GPHN: variants seen among roughly 807,000 people sequenced by gnomAD.
The protein encoded by GPHN is gephyrin.
A neutral mutation model predicts 95.5 loss-of-function variants in GPHN; 17 were observed. That is an observed-to-expected ratio of 0.18 (90% CI 0.12 to 0.27). The LOEUF (loss-of-function observed/expected upper bound fraction) is 0.27, where lower values mean the gene tolerates loss of function less well. Among genes scored for constraint, GPHN ranks in the 10% least tolerant of loss-of-function variants. GPHN has a pLI of 1.00. For synonymous variants in GPHN, 320 were observed against 322.5 expected, an observed-to-expected ratio of 0.99 and a Z score of 0.08; for missense variants, 660 against 978.1, an observed-to-expected ratio of 0.67 and a Z score of 4.34.
chr14:67,171,568 A>G (rs137868123), intron 21 of GPHN, among the ~76,000 whole-genome samples: 255 of 152,258 alleles, frequency 1.7e-3, no homozygotes, highest in African/African-American at 5.7e-3. Flanking sequence ...TAGTATTAAC[A>G]ACTTATCTCA....
chr14:67,174,008 A>G (rs1798107130), intron 21 of GPHN, among the ~76,000 whole-genome samples: 3 of 152,192 alleles, frequency 2.0e-5, no homozygotes, highest in Non-Finnish European at 4.4e-5. Flanking sequence ...CTGAAGGGGA[A>G]AAAAAGAAAT....
In GPHN at chr14:67,144,286, T is replaced by TATATATATATATATATAC. The variant is rs1421893686; in HGVS notation, c.1836+838_1836+839insTATATATATATATATACA. Among the ~76,000 whole-genome samples, 124 of 78,086 alleles carry TATATATATATATATATAC rather than the reference T, an allele frequency of 1.6e-3. 8 individuals are homozygous for TATATATATATATATATAC. The highest frequency in any genetic ancestry group is 0.011 in the East Asian group (19 of 1,724). 51.2% of individuals were successfully genotyped at this position (78,086 alleles called of 152,430 possible). A position where few individuals can be genotyped will look rare whatever the true frequency, so the allele number is the denominator to read the frequency against. On this transcript the variant is annotated intron_variant, in intron 18 of 22. Coordinates refer to ENST00000478722, the MANE Select transcript of GPHN (RefSeq NM_020806.5). ...ATATATATATATATATATATATATA[T>TATATATATATATATATAC]ACACACACACATACACAAATATTTT...
rs2059818956 is a variant in GPHN at position 66,787,519 on chromosome 14, A to C, written c.201+10998A>C. On this transcript the variant is annotated intron_variant, in intron 3 of 22. Transcript: ENST00000478722. ...TATGGAAAAACACAAAACCTAGAAC[A>C]GCTAAGACAATTTTTAAAAAGAACA... is the stretch of plus-strand genomic sequence containing the variant. 2.0e-5 allele frequency among the ~76,000 whole-genome samples: 3 copies of C among 152,202 alleles called. No individual in the cohort carries two copies. In the South Asian group the frequency reaches 6.2e-4, roughly 31 times the overall value.
At chr14:66,825,211 A>G (rs1236315059) in intron 4 of GPHN, among the ~76,000 whole-genome samples, 1 of 152,154 alleles carries the variant, frequency 6.6e-6, no homozygotes, top group Non-Finnish European at 1.5e-5. Context: ...TAAGGAAGCC[A>G]TAAACCACAG....
chr14:67,027,719 G>A (rs1019815666), intron 10 of GPHN, among the ~76,000 whole-genome samples: 2 of 151,764 alleles, frequency 1.3e-5, no homozygotes, highest in African/African-American at 2.4e-5. Flanking sequence ...GATTTTTTTA[G>A]TATATTTTAA....
chr14:66,860,815 G>A (rs1189257927), intron 4 of GPHN, among the ~76,000 whole-genome samples: 1 of 151,910 alleles, frequency 6.6e-6, no homozygotes, highest in Non-Finnish European at 1.5e-5. Context: ...GTTGTCATCA[G>A]TTTAAAATAA....
the GPHN span, among the ~76,000 whole-genome samples, chr14:67,214,819 A>G: frequency 6.6e-6 from 1 of 151,994 alleles, no homozygotes; most frequent in Non-Finnish European, 1.5e-5. Context: ...TCTTCCATTT[A>G]TTTGTATCCT....
chr14:66,953,993 C>T (rs1349352048), intron 8 of GPHN, among the ~76,000 whole-genome samples: 6 of 147,318 alleles, frequency 4.1e-5, no homozygotes, highest in East Asian at 2.0e-4. Context: ...CAAGACGGTG[C>T]GATTGCACGC....
intron 4 of GPHN, among the ~76,000 whole-genome samples, chr14:66,838,801 A>T (rs191400344): frequency 6.6e-6 from 1 of 152,126 alleles, no homozygotes; most frequent in Non-Finnish European, 1.5e-5. Flanking sequence ...TGCCTTTCAC[A>T]TAAAATGTAA....
intron 1 of GPHN, among the ~76,000 whole-genome samples, chr14:66,635,806 T>C (rs572808411): frequency 9.2e-5 from 14 of 152,248 alleles, no homozygotes; most frequent in Non-Finnish European, 1.9e-4. Flanking sequence ...AGAAAAAATT[T>C]ATGTGAGTTT....
At chr14:67,519,780 T>C in the GPHN span, among the ~76,000 whole-genome samples, 6 of 151,812 alleles carry the variant, frequency 4.0e-5, no homozygotes, top group African/African-American at 1.5e-4. Context: ...TGGAGTGCAG[T>C]GGCATGATCA....
At chr14:67,532,979 G>A in the GPHN span, among the ~76,000 whole-genome samples, 2 of 152,102 alleles carry the variant, frequency 1.3e-5, no homozygotes, top group Non-Finnish European at 2.9e-5. Context: ...GCTCCGGGCC[G>A]GCGCCCGGGA....
the GPHN span, among the ~76,000 whole-genome samples, chr14:67,687,759 C>T: frequency 1.3e-5 from 2 of 151,264 alleles, no homozygotes; most frequent in Non-Finnish European, 2.9e-5. Context: ...GCATGAGCCA[C>T]CACGTCCGGC....
the GPHN span, chr14:67,365,082 T>G: frequency 7.0e-7 from 1 of 1,438,670 alleles, no homozygotes; most frequent in Non-Finnish European, 9.2e-7. Context: ...TTTTTGTAAA[T>G]TGCAAGCTGC....
In GPHN at chr14:66,681,090, TC is replaced by T; in HGVS notation, c.65-13del. On this transcript the variant is annotated splice_polypyrimidine_tract_variant and intron_variant, in intron 1 of 22. Transcript: ENST00000478722. ...GACAAAAATTAATTTTTTTTTCTTT[TC>T]CCCATTTCTATTTAGTGAGTGATAG... 1 of 1,457,676 alleles carries T rather than the reference TC, an allele frequency of 6.9e-7. No individual in the cohort carries two copies. Among genetic ancestry groups the T allele is most frequent in the Non-Finnish European group, 9.6e-7 (1 of 1,042,928 alleles). 90.3% of individuals were successfully genotyped at this position (1,457,676 alleles called of 1,614,324 possible).
chr14:66,718,708 C>T (rs1595676121), intron 2 of GPHN, among the ~76,000 whole-genome samples: 1 of 152,194 alleles, frequency 6.6e-6, no homozygotes, highest in Non-Finnish European at 1.5e-5. Flanking sequence ...AATCCTTTAG[C>T]TAGACACAGA....
At chr14:67,567,205 C>T in the GPHN span, among the ~76,000 whole-genome samples, 1 of 152,148 alleles carries the variant, frequency 6.6e-6, no homozygotes, top group African/African-American at 2.4e-5. Context: ...CTCTCTCTCC[C>T]AGGCAGGACC....
the GPHN span, among the ~76,000 whole-genome samples, chr14:67,411,829 C>G: frequency 6.6e-6 from 1 of 152,252 alleles, no homozygotes; most frequent in African/African-American, 2.4e-5. Context: ...GCTGAGCCAC[C>G]GCTTACCCCG....
At chr14:66,777,003 C>G (rs1208936274) in intron 3 of GPHN, among the ~76,000 whole-genome samples, 1 of 151,412 alleles carries the variant, frequency 6.6e-6, no homozygotes, top group Non-Finnish European at 1.5e-5. Flanking sequence ...CGTCATCTAG[C>G]TTAGGTATAT....
Sources: gnomAD v4.1 joint callset for allele counts (sites outside exome capture counted in the v4.1 genomes callset) on GRCh38, gnomAD v4.1.1 for gene constraint, MANE v1.5 for transcripts, NCBI Gene and HGNC (gene_info 2026-07-23, HGNC 2026-07-21) for gene names.